The following KIF3A variants were observed in gnomAD, a reference collection of about 807,000 sequenced individuals.
KIF3A encodes kinesin-like protein KIF3A.
Under a neutral mutation model 92.6 loss-of-function variants are expected in KIF3A, and 27 were observed. The observed-to-expected ratio is 0.29, with a 90% CI of 0.21 to 0.40. The LOEUF (loss-of-function observed/expected upper bound fraction) is 0.40, where lower values mean the gene tolerates loss of function less well. KIF3A is among the 10% of genes least tolerant of loss of function. KIF3A has a pLI of 1.00. For missense variants in KIF3A, 581 were observed against 872.6 expected (o/e 0.67, Z 4.21); for synonymous variants, 250 against 275.4 (o/e 0.91, Z 0.92).
At position 132,726,590 on chromosome 5, in the gene KIF3A, A is replaced by G. The variant is rs1420792387; in HGVS notation, c.281-92T>C. On this transcript the variant is annotated intron_variant, in intron 2 of 18. Coordinates refer to ENST00000403231, the MANE Select transcript of KIF3A (RefSeq NM_001300791.2). ...TTAATTCCTTTGACACTGTGATGTA[A>G]TTTCTCCCCTGGATTCAAAATTTAT... 4 of 1,132,614 alleles carry G rather than the reference A, an allele frequency of 3.5e-6. No homozygotes were observed. The African/African-American group carries it at 6.2e-5, about 18-fold the overall frequency. 70.2% of individuals were successfully genotyped at this position (1,132,614 alleles called of 1,614,324 possible). A position where few individuals can be genotyped will look rare whatever the true frequency, so the allele number is the denominator to read the frequency against.
chr5:132,703,659 T>C, intron 11 of KIF3A, 40 bp from the exon 12 acceptor site: 1 of 1,486,976 alleles, frequency 6.7e-7, no homozygotes, highest in Non-Finnish European at 9.2e-7. Flanking sequence ...CTAAAATGAA[T>C]CAATGTTTCA....
intron 2 of KIF3A, among the ~76,000 whole-genome samples, chr5:132,730,216 C>CA (rs1436156312): frequency 6.6e-6 from 1 of 152,116 alleles, no homozygotes; most frequent in Non-Finnish European, 1.5e-5. Flanking sequence ...CCTGTAATCC[C>CA]AGCACTCCGG....
chr5:132,724,804 AAAATATATATATATATATAT>A (rs1232053097), intron 4 of KIF3A, among the ~76,000 whole-genome samples: 4 of 20,528 alleles, frequency 1.9e-4, no homozygotes, highest in Admixed American at 5.9e-4. Flanking sequence ...AAAAAAAAAA[AAAATATATATATATATATAT>A]ATATATATAT....
intron 5 of KIF3A, among the ~76,000 whole-genome samples, chr5:132,718,526 T>C (rs972882215): frequency 1.3e-5 from 2 of 152,190 alleles, no homozygotes; most frequent in Non-Finnish European, 2.9e-5. Flanking sequence ...GCCAGGCTGG[T>C]CTCAAACTCC....
intron 2 of KIF3A, among the ~76,000 whole-genome samples, chr5:132,727,477 T>A (rs1335272198): frequency 6.6e-6 from 1 of 151,586 alleles, no homozygotes; most frequent in South Asian, 2.1e-4. Flanking sequence ...CAAGTAAGAA[T>A]CAGATAGGAA....
At chr5:132,704,214 G>GA (rs1226198925) in intron 11 of KIF3A, among the ~76,000 whole-genome samples, 3 of 151,570 alleles carry the variant, frequency 2.0e-5, no homozygotes, top group African/African-American at 7.3e-5. Context: ...ACTTTTAAAG[G>GA]AAAAAATTCT....
intron 2 of KIF3A, among the ~76,000 whole-genome samples, chr5:132,727,989 C>G (rs1232120203): frequency 6.6e-6 from 1 of 152,074 alleles, no homozygotes; most frequent in African/African-American, 2.4e-5. Context: ...ATTTTTTACA[C>G]ATGGGAATAA....
Position 132,692,952 on chromosome 5 carries a change from G to T in KIF3A, c.*3682C>A, listed in dbSNP as rs1752706273. ...TACATTAGGAAATTGGGCAGACATT[G>T]GTGTACTTAAATGTAAACGCTACCC... On this transcript the variant is annotated 3_prime_UTR_variant, in exon 19 of 19. Coordinates refer to ENST00000403231, the MANE Select transcript of KIF3A (RefSeq NM_001300791.2). 1 of 152,400 alleles carries T rather than the reference G, an allele frequency of 6.6e-6. No homozygotes were observed. The highest frequency in any genetic ancestry group is 2.4e-5 in the African/African-American group (1 of 41,392). 9.4% of individuals were successfully genotyped at this position (152,400 alleles called of 1,614,324 possible). A position where few individuals can be genotyped will look rare whatever the true frequency, so the allele number is the denominator to read the frequency against.
At chr5:132,728,936 A>G (rs1011158145) in intron 2 of KIF3A, among the ~76,000 whole-genome samples, 1 of 152,130 alleles carries the variant, frequency 6.6e-6, no homozygotes, top group Non-Finnish European at 1.5e-5. Context: ...TTTAAAAATT[A>G]GCCAGGCATG....
intron 2 of KIF3A, among the ~76,000 whole-genome samples, chr5:132,728,745 CAATA>C (rs3048989): frequency 0.32 from 47,463 of 149,514 alleles, 10,395 homozygotes; most frequent in East Asian, 0.74. Context: ...TCAAAAAATA[CAATA>C]AATAAATAAA....
At position 132,737,458 on chromosome 5, in the gene KIF3A, G is replaced by C; in HGVS notation, c.-39C>G. 1 of 1,599,992 alleles carries C rather than the reference G, an allele frequency of 6.3e-7. No individual in the cohort carries two copies. Among genetic ancestry groups the C allele is most frequent in the Non-Finnish European group, 8.5e-7 (1 of 1,174,048 alleles). On this transcript the variant is annotated 5_prime_UTR_variant, in exon 1 of 19. Transcript: ENST00000403231. ...CGTGCCCGGCGGACGTCCCCGCCCG[G>C]GGTGCAGCCCAGCGACACCGGGTGC...
intron 1 of KIF3A, 88 bp downstream of exon 1, chr5:132,737,326 G>T (rs1029839874): frequency 8.3e-6 from 12 of 1,450,128 alleles, no homozygotes; most frequent in Non-Finnish European, 1.0e-5. Context: ...GCCGCCTGCC[G>T]GCTCCGCGCC....
At chr5:132,701,935 G>A (rs1753051701) in intron 15 of KIF3A, 152 bp downstream of exon 15, 1 of 790,062 alleles carries the variant, frequency 1.3e-6, no homozygotes, top group East Asian at 2.6e-5. Flanking sequence ...TGTATTAAAA[G>A]TTAACAACTA....
Position 132,696,661 on chromosome 5 carries a change from T to C in KIF3A, c.2154A>G (p.Glu718=). Residue 718 remains glutamate (E), a synonymous_variant, in exon 19 of 19, where the codon GAA becomes GAG. Transcript: ENST00000403231. ...TGRRKRSAKP[E]TVIDSLLQ is the part of the protein sequence containing the mutation. The stretch of plus-strand genomic sequence containing the variant: ...ACTGCAGTAAAGAGTCAATTACAGT[T>C]TCAGGCTTTGCAGAACGCTTTCTGT... The C allele has an allele frequency of 6.2e-7, 1 of 1,611,396 alleles. No individual in the cohort carries two copies. The highest frequency in any genetic ancestry group is 8.5e-7 in the Non-Finnish European group (1 of 1,177,644).
rs535473792 is a variant in KIF3A at position 132,695,549 on chromosome 5, T to C, written c.*1085A>G. On this transcript the variant is annotated 3_prime_UTR_variant, in exon 19 of 19. Transcript: ENST00000403231. Reference sequence around the variant, plus strand: ...AACAGAAAAAAATAATTATCTCTATTACAACTTACTTTACTATGAAATCAA... The same window carrying C: ...AACAGAAAAAAATAATTATCTCTATCACAACTTACTTTACTATGAAATCAA... The C allele has an allele frequency of 6.6e-6, 1 of 152,346 alleles. No homozygotes were observed. Among genetic ancestry groups the C allele is most frequent in the East Asian group, 1.9e-4 (1 of 5,344 alleles). The allele number at this position is 152,346 out of a possible 1,614,324, so 9.4% of individuals were successfully genotyped here.
At chr5:132,705,065 T>C (rs766937856) in intron 11 of KIF3A, among the ~76,000 whole-genome samples, 10 of 151,968 alleles carry the variant, frequency 6.6e-5, no homozygotes, top group Non-Finnish European at 1.3e-4. Context: ...GTGTGATTCA[T>C]TGCATTCCAA....
In KIF3A at chr5:132,702,907, C is replaced by T. The variant is rs572090360; in HGVS notation, c.1625G>A (p.Arg542His). ...TACCTCTTTTTCCTCAAGTTCTCTG[C>T]GAAGTTGCTCTGCTCTTTTCCTCCT... ...EERRKRAEQLRRELEEKEQER... is the reference protein window; with the variant it reads ...EERRKRAEQLHRELEEKEQER... The change falls in exon 13 of 19, where the codon CGC becomes CAC. Residue 542 changes from arginine to histidine, a missense_variant. Arg to His is a conservative substitution (Grantham distance 29). Coordinates refer to ENST00000403231, the MANE Select transcript of KIF3A (RefSeq NM_001300791.2). The T allele has an allele frequency of 1.9e-5, 30 of 1,613,204 alleles. No homozygotes were observed. Among genetic ancestry groups the T allele is most frequent in the Admixed American group, 3.3e-5 (2 of 59,880 alleles).
chr5:132,698,131 GT>G (rs751744789), intron 18 of KIF3A, among the ~76,000 whole-genome samples: 12 of 152,076 alleles, frequency 7.9e-5, no homozygotes, highest in Non-Finnish European at 1.8e-4. Context: ...ATTTATAAGT[GT>G]TAAGTCATGT....
intron 2 of KIF3A, among the ~76,000 whole-genome samples, chr5:132,730,625 C>T: frequency 6.6e-6 from 1 of 150,398 alleles, no homozygotes; most frequent in Admixed American, 6.6e-5. Context: ...TTATCTCTAC[C>T]AAAAAAAAAT....
Sources: allele counts gnomAD v4.1 joint callset (sites outside exome capture counted in the v4.1 genomes callset), GRCh38; gene constraint gnomAD v4.1.1; transcripts MANE v1.5; gene names NCBI Gene and HGNC (gene_info 2026-07-23, HGNC 2026-07-21).